PCLO: variants seen among roughly 807,000 people sequenced by gnomAD.
PCLO encodes protein piccolo.
PCLO carries 82 observed loss-of-function variants against 427.5 expected under a neutral mutation model. That is an observed-to-expected ratio of 0.19 (90% CI 0.16 to 0.23). The LOEUF (loss-of-function observed/expected upper bound fraction) is 0.23. Among genes scored for constraint, PCLO ranks in the 10% least tolerant of loss-of-function variants. The pLI, the probability that PCLO is intolerant of heterozygous loss-of-function variation, is 1.00. For missense variants in PCLO, 6,239 were observed against 6,115.9 expected (o/e 1.02, Z -0.67); for synonymous variants, 2,357 against 2,155.4 (o/e 1.09, Z -2.59).
At chr7:82,941,640 G>A (rs1025919833) in intron 6 of PCLO, among the ~76,000 whole-genome samples, 4 of 152,078 alleles carry the variant, frequency 2.6e-5, no homozygotes, top group Admixed American at 1.3e-4. Flanking sequence ...TGAAAGTATC[G>A]TTTTAATGTA....
chr7:82,957,585 A>T (rs764714757), intron 4 of PCLO, among the ~76,000 whole-genome samples: 4 of 152,194 alleles, frequency 2.6e-5, no homozygotes, highest in Non-Finnish European at 5.9e-5. Flanking sequence ...ATTACTCTAC[A>T]TCACTTGGAA....
chr7:83,000,292 A>C (rs1182026415), intron 3 of PCLO, among the ~76,000 whole-genome samples: 1 of 149,756 alleles, frequency 6.7e-6, no homozygotes, highest in African/African-American at 2.5e-5. Flanking sequence ...AGAGAGAGAG[A>C]GAGAGAGAGA....
intron 22 of PCLO, among the ~76,000 whole-genome samples, chr7:82,789,868 T>A (rs1791065565): frequency 1.3e-5 from 2 of 152,208 alleles, no homozygotes; most frequent in Non-Finnish European, 2.9e-5. Flanking sequence ...TTTCCCTAAC[T>A]TTTAAAATCA....
chr7:82,869,753 G>A (rs1267290378), intron 10 of PCLO, among the ~76,000 whole-genome samples: 1 of 151,838 alleles, frequency 6.6e-6, no homozygotes, highest in Non-Finnish European at 1.5e-5. Context: ...AAAAAATGGT[G>A]CACAGTAGTA....
In PCLO at chr7:83,038,005, A is replaced by ATATT. The variant is rs1554382317; in HGVS notation, c.3301-71519_3301-71518insAATA. 7.5e-5 allele frequency among the ~76,000 whole-genome samples: 3 copies of ATATT among 39,806 alleles called. 1 individual carries two copies. The highest frequency in any genetic ancestry group is 1.2e-4 in the Non-Finnish European group (3 of 25,632). 26.1% of individuals were successfully genotyped at this position (39,806 alleles called of 152,430 possible). A position where few individuals can be genotyped will look rare whatever the true frequency, so the allele number is the denominator to read the frequency against. On this transcript the variant is annotated intron_variant, in intron 3 of 24. Coordinates refer to ENST00000333891, the MANE Select transcript of PCLO (RefSeq NM_033026.6). Reference sequence around the variant, plus strand: ...AGGAGGAGCTTATATATATATATATATATATATATATATATATATATATAT... The same window carrying ATATT: ...AGGAGGAGCTTATATATATATATATATATTTATATATATATATATATATATATAT...
At chr7:83,039,348 T>C (rs901785843) in intron 3 of PCLO, among the ~76,000 whole-genome samples, 1 of 152,096 alleles carries the variant, frequency 6.6e-6, no homozygotes, top group Non-Finnish European at 1.5e-5. Context: ...AAGTTTTAGC[T>C]CTTATATTTA....
At chr7:82,990,864 C>A (rs1796360571) in intron 3 of PCLO, among the ~76,000 whole-genome samples, 1 of 151,920 alleles carries the variant, frequency 6.6e-6, no homozygotes, top group Non-Finnish European at 1.5e-5. Flanking sequence ...AATAAGATCA[C>A]CCCCAATGTC....
intron 3 of PCLO, among the ~76,000 whole-genome samples, chr7:83,023,162 C>T (rs1413684276): frequency 6.6e-6 from 1 of 152,052 alleles, no homozygotes; most frequent in Non-Finnish European, 1.5e-5. Context: ...GTATTAATGG[C>T]ATTTAAAAAG....
At chr7:83,092,947 A>C (rs1790417926) in intron 3 of PCLO, among the ~76,000 whole-genome samples, 1 of 38,618 alleles carries the variant, frequency 2.6e-5, no homozygotes, top group African/African-American at 1.4e-4. Flanking sequence ...ACTCTGTCTC[A>C]AAAAAAAAAA....
chr7:83,066,536 T>C (rs1789674406), intron 3 of PCLO, among the ~76,000 whole-genome samples: 1 of 152,174 alleles, frequency 6.6e-6, no homozygotes, highest in African/African-American at 2.4e-5. Context: ...ATTTTCACAC[T>C]CAATTTTAAT....
At chr7:82,900,863 T>C (rs1204834405) in intron 9 of PCLO, among the ~76,000 whole-genome samples, 1 of 151,850 alleles carries the variant, frequency 6.6e-6, no homozygotes. Flanking sequence ...GCAAAAGGAA[T>C]GTCTGTATTA....
chr7:82,979,602 G>C (rs1380505100), intron 3 of PCLO, among the ~76,000 whole-genome samples: 1 of 152,072 alleles, frequency 6.6e-6, no homozygotes, highest in Non-Finnish European at 1.5e-5. Context: ...ATATTTGCTG[G>C]CATTTTGTTT....
rs765092285 is a variant in PCLO at position 82,909,048 on chromosome 7, G to A, written c.13301-35C>T. The A allele has an allele frequency of 2.4e-5, 38 of 1,606,912 alleles. No homozygotes were observed. The Admixed American group carries it at 3.4e-4, about 14-fold the overall frequency. ...CCAAGGAAACATCATACATTGCAACGGCAAGTAATACAGATGATTGAGGGA... is the reference window on the plus strand; with the variant it reads ...CCAAGGAAACATCATACATTGCAACAGCAAGTAATACAGATGATTGAGGGA... On this transcript the variant is annotated intron_variant, in intron 7 of 24. Coordinates refer to ENST00000333891, the MANE Select transcript of PCLO (RefSeq NM_033026.6).
chr7:82,916,235 C>T lies in PCLO; in HGVS notation c.11751G>A (p.Gln3917=). Residue 3917 remains glutamine, a synonymous_variant, in exon 7 of 25, where the codon CAG becomes CAA. Transcript: ENST00000333891. ...SHFEQQTLYH[Q]QVSPYQTQPT... ...GCTGAGTCTGATAAGGTGAAACTTG[C>T]TGATGGTACAAAGTTTGTTGCTCAA... is the stretch of plus-strand genomic sequence containing the variant. 6.2e-7 allele frequency: 1 copy of T among 1,613,630 alleles called. No homozygotes were observed. The highest frequency in any genetic ancestry group is 1.7e-5 in the Admixed American group (1 of 59,978).
At chr7:82,808,794 TG>T (rs1301942831) in intron 20 of PCLO, among the ~76,000 whole-genome samples, 2 of 151,926 alleles carry the variant, frequency 1.3e-5, no homozygotes, top group Non-Finnish European at 2.9e-5. Context: ...CATCCGGTGC[TG>T]GATTAAATTC....
At chr7:83,114,187 C>G (rs569058725) in intron 3 of PCLO, among the ~76,000 whole-genome samples, 1 of 152,076 alleles carries the variant, frequency 6.6e-6, no homozygotes, top group South Asian at 2.1e-4. Flanking sequence ...GATTACCTAC[C>G]ATGTGCAGGC....
chr7:82,955,059 T>C lies in PCLO; in HGVS notation c.5894A>G (p.Tyr1965Cys), dbSNP rs773714754. The change falls in exon 5 of 25, where the codon TAC becomes TGC. Residue 1965 changes from tyrosine to cysteine, a missense_variant. Physicochemically the swap from Tyr to Cys is radical, Grantham distance 194 (BLOSUM62 -2). This residue lies in a region of PCLO where 4,677 missense variants were observed against 4,468.4 expected (regional missense o/e 1.05). Transcript: ENST00000333891. ...YIYESLVEDT[Y>C]NGSVDGSLLT... ...CAGACTGCCATCTACCGATCCATTG[T>C]ACGTGTCTTCTACTAAAGATTCATA... 6.2e-7 allele frequency: 1 copy of C among 1,613,846 alleles called. No homozygotes were observed.
At chr7:82,973,213 C>T (rs1443325689) in intron 3 of PCLO, among the ~76,000 whole-genome samples, 1 of 152,030 alleles carries the variant, frequency 6.6e-6, no homozygotes, top group African/African-American at 2.4e-5. Context: ...TGAGATACTT[C>T]TATGCTTACT....
chr7:82,784,806 T>A (rs544531779), intron 22 of PCLO, among the ~76,000 whole-genome samples: 5 of 152,328 alleles, frequency 3.3e-5, no homozygotes, highest in African/African-American at 1.2e-4. Flanking sequence ...TGTACTCATT[T>A]ATTTCTCAAA....
Sources: gnomAD v4.1 joint callset for allele counts (sites outside exome capture counted in the v4.1 genomes callset) on GRCh38, gnomAD v4.1.1 for gene constraint, gnomAD v4.1.1 regional missense constraint, MANE v1.5 for transcripts, NCBI Gene and HGNC (gene_info 2026-07-23, HGNC 2026-07-21) for gene names.